The following FHIP2A variants were observed in gnomAD, a reference collection of about 807,000 sequenced individuals.
FHIP2A encodes the protein family with sequence similarity 160 member B1.
Under a neutral mutation model 93.5 loss-of-function variants are expected in FHIP2A, and 46 were observed. The observed-to-expected ratio is 0.49, with a 90% CI of 0.39 to 0.63. The LOEUF (loss-of-function observed/expected upper bound fraction) is 0.63, where lower values mean the gene tolerates loss of function less well. Ranked by LOEUF, FHIP2A falls within the 20% of genes least tolerant of loss-of-function variation. The pLI, the probability that FHIP2A is intolerant of heterozygous loss-of-function variation, is 0.00. For synonymous variants in FHIP2A, 332 were observed against 326.5 expected (o/e 1.02, Z -0.18); for missense variants, 769 against 909.7 (o/e 0.85, Z 1.99).
chr10:114,874,796 G>A (rs1459275573), intron 16 of FHIP2A, among the ~76,000 whole-genome samples: 2 of 152,136 alleles, frequency 1.3e-5, no homozygotes, highest in Non-Finnish European at 2.9e-5. Flanking sequence ...GAGCCATCGC[G>A]CCCGGCCGGA....
intron 12 of FHIP2A, among the ~76,000 whole-genome samples, chr10:114,848,245 A>C (rs904167198): frequency 6.6e-6 from 1 of 152,204 alleles, no homozygotes; most frequent in African/African-American, 2.4e-5. Context: ...ATTAGGGTAC[A>C]TAAAAATCTC....
Position 114,836,108 on chromosome 10 carries a change from A to G in FHIP2A, c.400-16A>G. 1 of 1,546,490 alleles carries G rather than the reference A, an allele frequency of 6.5e-7. No homozygotes were observed. Among genetic ancestry groups the G allele is most frequent in the Non-Finnish European group, 8.8e-7 (1 of 1,135,876 alleles). ...GTAGCCTAAGTTTAAAAAGTTAAAA[A>G]CAATTGTTTTCACAGAAATTAATTA... On this transcript the variant is annotated splice_polypyrimidine_tract_variant and intron_variant, in intron 4 of 16. Coordinates refer to ENST00000369248, the MANE Select transcript of FHIP2A (RefSeq NM_020940.4).
chr10:114,825,193 T>A (rs534228361), intron 1 of FHIP2A, among the ~76,000 whole-genome samples: 257 of 152,174 alleles, frequency 1.7e-3, no homozygotes, highest in South Asian at 7.3e-3. Flanking sequence ...TTTAAAAAAA[T>A]TTTTTGTAGA....
chr10:114,822,724 C>T (rs1350902513), intron 1 of FHIP2A, among the ~76,000 whole-genome samples: 1 of 152,192 alleles, frequency 6.6e-6, no homozygotes, highest in African/African-American at 2.4e-5. Flanking sequence ...CTCAGCTGAA[C>T]CTTATGTATT....
chr10:114,874,030 G>A (rs2083872164), intron 16 of FHIP2A, among the ~76,000 whole-genome samples: 1 of 152,080 alleles, frequency 6.6e-6, no homozygotes. Context: ...CCGAGGAAAG[G>A]GTATTGGACT....
intron 16 of FHIP2A, among the ~76,000 whole-genome samples, chr10:114,879,689 T>G (rs934518251): frequency 1.3e-5 from 2 of 151,760 alleles, no homozygotes; most frequent in African/African-American, 4.9e-5. Context: ...CGGGTTTACT[T>G]TTGTTTGTTT....
intron 1 of FHIP2A, among the ~76,000 whole-genome samples, chr10:114,822,387 G>A (rs1394112984): frequency 2.0e-5 from 3 of 151,972 alleles, no homozygotes; most frequent in African/African-American, 7.2e-5. Flanking sequence ...GCCGGGGCGG[G>A]GGTGCCGGGG....
chr10:114,877,514 T>C (rs2083895616), intron 16 of FHIP2A, among the ~76,000 whole-genome samples: 1 of 151,678 alleles, frequency 6.6e-6, no homozygotes, highest in Admixed American at 6.6e-5. Context: ...TCGAATCACC[T>C]ACAAAGGATT....
At position 114,848,684 on chromosome 10, in the gene FHIP2A, T is replaced by C; in HGVS notation, c.1750T>C (p.Tyr584His). The change falls in exon 13 of 17, where the codon TAC becomes CAC. Residue 584 changes from tyrosine to histidine, a missense_variant. By Grantham distance (83) the Tyr-to-His change is moderately conservative (BLOSUM62 2). Transcript: ENST00000369248. Reference protein sequence around the residue: ...CLVPDDAKSSYHVEGTGYDTY... With the variant: ...CLVPDDAKSSHHVEGTGYDTY... ...GGTACCGGATGACGCAAAATCCTCC[T>C]ACCATGTTGAGGGCACAGGATATGA... The C allele has an allele frequency of 3.1e-6, 5 of 1,608,512 alleles. No homozygotes were observed. The highest frequency in any genetic ancestry group is 4.2e-6 in the Non-Finnish European group (5 of 1,176,828).
intron 13 of FHIP2A, among the ~76,000 whole-genome samples, chr10:114,851,834 G>A (rs1334208457): frequency 4.6e-5 from 7 of 151,462 alleles, no homozygotes; most frequent in East Asian, 1.9e-4. Flanking sequence ...CATGAACACC[G>A]GATGTTTTTC....
chr10:114,899,156 A>G lies in FHIP2A; in HGVS notation c.2193-334A>G, dbSNP rs142904255. On this transcript the variant is annotated intron_variant, in intron 16 of 16. Transcript: ENST00000369250. The stretch of plus-strand genomic sequence containing the variant: ...AGCAAGGCCAACAGAAGACTCACTC[A>G]TTTAGCCCACAGAATCACAGAAAGA... Among the ~76,000 whole-genome samples, 139 of 152,326 alleles carry G rather than the reference A, an allele frequency of 9.1e-4. 1 individual carries two copies. The highest frequency in any genetic ancestry group is 2.5e-3 in the African/African-American group (103 of 41,560).
At chr10:114,891,537 A>ATATGTGTGTGTGTGTGTGTGTG (rs1433286245) in intron 16 of FHIP2A, among the ~76,000 whole-genome samples, 1 of 137,132 alleles carries the variant, frequency 7.3e-6, no homozygotes, top group African/African-American at 2.8e-5. Context: ...ATATATATAT[A>ATATGTGTGTGTGTGTGTGTGTG]TGTGTGTGTG....
intron 6 of FHIP2A, among the ~76,000 whole-genome samples, 169 bp from the exon 7 acceptor site, chr10:114,843,572 G>A (rs950355891): frequency 6.6e-6 from 1 of 152,198 alleles, no homozygotes. Context: ...CCAAAATGCT[G>A]GGATTACAGG....
At chr10:114,832,801 T>C (rs893851454) in intron 2 of FHIP2A, among the ~76,000 whole-genome samples, 35 of 148,278 alleles carry the variant, frequency 2.4e-4, no homozygotes, top group African/African-American at 8.7e-4. Flanking sequence ...AGCCTCCACC[T>C]CCCAGGTTCA....
downstream of FHIP2A, among the ~76,000 whole-genome samples, chr10:114,867,571 CTT>C (rs989014264): frequency 3.3e-5 from 5 of 152,174 alleles, no homozygotes; most frequent in African/African-American, 1.2e-4. Flanking sequence ...ACTCAGTACT[CTT>C]TTGACAGCGT....
In FHIP2A at chr10:114,848,116, G is replaced by A. The variant is rs892499311; in HGVS notation, c.1713-531G>A. Among the ~76,000 whole-genome samples, 6 of 152,162 alleles carry A rather than the reference G, an allele frequency of 3.9e-5. No homozygotes were observed. The East Asian group carries it at 7.7e-4, about 20-fold the overall frequency. ...TTCGTGGTTTTATGTTTTTTTAAAA[G>A]TGCCCTTTTCTGTGGCAATTTTTTT... is the stretch of plus-strand genomic sequence containing the variant. On this transcript the variant is annotated intron_variant, in intron 12 of 16. Transcript: ENST00000369248.
intron 16 of FHIP2A, among the ~76,000 whole-genome samples, chr10:114,871,114 T>TTATA (rs60183937): frequency 7.4e-5 from 11 of 147,782 alleles, no homozygotes; most frequent in African/African-American, 2.2e-4. Flanking sequence ...ATATATACTG[T>TTATA]TATATATATA....
At chr10:114,838,906 AG>A (rs1424024428) in intron 5 of FHIP2A, among the ~76,000 whole-genome samples, 1 of 152,184 alleles carries the variant, frequency 6.6e-6, no homozygotes, top group Admixed American at 6.5e-5. Context: ...TTTAACGAAT[AG>A]GACTATTCAT....
chr10:114,860,633 T>C, intron 14 of FHIP2A, 116 bp from the exon 15 acceptor site: 1 of 838,702 alleles, frequency 1.2e-6, no homozygotes, highest in Non-Finnish European at 2.0e-6. Flanking sequence ...ATTACAGGTG[T>C]GAGCCACTGG....
Sources: gnomAD v4.1 joint callset for allele counts (sites outside exome capture counted in the v4.1 genomes callset) on GRCh38, gnomAD v4.1.1 for gene constraint, MANE v1.5 for transcripts, NCBI Gene and HGNC (gene_info 2026-07-23, HGNC 2026-07-21) for gene names.